DYTN: variants seen among roughly 807,000 people sequenced by gnomAD.
DYTN encodes the protein dystrotelin.
A neutral mutation model predicts 69.6 loss-of-function variants in DYTN; 75 were observed. That is an observed-to-expected ratio of 1.08 (90% CI 0.89 to 1.31). The LOEUF (loss-of-function observed/expected upper bound fraction) is 1.31, where lower values mean the gene tolerates loss of function less well. Ranked by LOEUF, DYTN falls within the 50% of genes most tolerant of loss-of-function variation. The pLI, the probability that DYTN is intolerant of heterozygous loss-of-function variation, is 0.00. For synonymous variants in DYTN, 252 were observed against 249.1 expected (o/e 1.01, Z -0.11); for missense variants, 726 against 688.4 (o/e 1.05, Z -0.61).
intron 9 of DYTN, among the ~76,000 whole-genome samples, chr2:206,675,145 G>GTGTGTGTGTGTGTGTGTGTGTGTATA (rs1415225495): frequency 4.2e-5 from 5 of 120,442 alleles, no homozygotes; most frequent in Non-Finnish European, 8.7e-5. Context: ...GTGTGTGTGT[G>GTGTGTGTGTGTGTGTGTGTGTGTATA]TATATATGTG....
At chr2:206,694,691 G>A in intron 8 of DYTN, 75 bp downstream of exon 8, 1 of 1,214,560 alleles carries the variant, frequency 8.2e-7, no homozygotes, top group Non-Finnish European at 1.1e-6. Flanking sequence ...TTTCACTGGA[G>A]GGAAGGTTTT....
In DYTN at chr2:206,666,860, T is replaced by TACACACACAC. The variant is rs35200393; in HGVS notation, c.981-841_981-832dup. Among the ~76,000 whole-genome samples, 149 of 137,554 alleles carry TACACACACAC rather than the reference T, an allele frequency of 1.1e-3. 2 individuals carry two copies. The highest frequency in any genetic ancestry group is 3.8e-3 in the African/African-American group (141 of 37,432). 90.2% of individuals were successfully genotyped at this position (137,554 alleles called of 152,430 possible). A position where few individuals can be genotyped will look rare whatever the true frequency, so the allele number is the denominator to read the frequency against. On this transcript the variant is annotated intron_variant, in intron 9 of 11. Transcript: ENST00000452335. The stretch of plus-strand genomic sequence containing the variant: ...AGGCAACATGGCAAGACCTCATCTC[T>TACACACACAC]ACACACACACACACACACACACACA...
chr2:206,709,734 C>T (rs1700062478), intron 2 of DYTN, among the ~76,000 whole-genome samples: 1 of 152,106 alleles, frequency 6.6e-6, no homozygotes, highest in African/African-American at 2.4e-5. Flanking sequence ...AACATAACTT[C>T]TCTTAGGTCT....
chr2:206,705,003 A>G, intron 4 of DYTN, 60 bp from the exon 5 acceptor site: 1 of 1,360,922 alleles, frequency 7.3e-7, no homozygotes, highest in Non-Finnish European at 1.0e-6. Flanking sequence ...TTTGAAGAGT[A>G]CTTGCTTTGA....
At chr2:206,713,991 A>G (rs1700103591) in intron 1 of DYTN, among the ~76,000 whole-genome samples, 1 of 152,214 alleles carries the variant, frequency 6.6e-6, no homozygotes, top group Non-Finnish European at 1.5e-5. Context: ...CTGAGCAAAA[A>G]TGAAACAAGG....
chr2:206,707,290 C>T lies in DYTN; in HGVS notation c.296+12G>A. On this transcript the variant is annotated intron_variant, in intron 3 of 11. Transcript: ENST00000452335. ...TGCCTTTGAGGTCACAGCGCGACGT[C>T]CACACCCTCACCTGTTGTACATTGT... 6.2e-7 allele frequency: 1 copy of T among 1,609,544 alleles called. No individual in the cohort carries two copies. The highest frequency in any genetic ancestry group is 2.2e-5 in the East Asian group (1 of 44,776).
At chr2:206,692,320 A>G (rs562796199) in intron 9 of DYTN, among the ~76,000 whole-genome samples, 4 of 152,234 alleles carry the variant, frequency 2.6e-5, no homozygotes, top group African/African-American at 9.6e-5. Flanking sequence ...TTTAAATTAC[A>G]AAGAAGTGGC....
chr2:206,657,053 C>T (rs1465476738), intron 11 of DYTN, among the ~76,000 whole-genome samples: 1 of 152,060 alleles, frequency 6.6e-6, no homozygotes, highest in Non-Finnish European at 1.5e-5. Context: ...TGAGCCATCT[C>T]GCCCAGCCAT....
At chr2:206,707,129 G>A (rs969722565) in intron 3 of DYTN, among the ~76,000 whole-genome samples, 173 bp downstream of exon 3, 14 of 152,182 alleles carry the variant, frequency 9.2e-5, no homozygotes, top group Admixed American at 3.9e-4. Flanking sequence ...TCCTAAAGCC[G>A]ATGGGCATTT....
At chr2:206,676,356 C>T (rs959240420) in intron 9 of DYTN, among the ~76,000 whole-genome samples, 16 of 152,074 alleles carry the variant, frequency 1.1e-4, no homozygotes, top group Admixed American at 6.5e-5. Context: ...CATGTTCTCA[C>T]TCATAAGTGG....
At chr2:206,685,352 G>T (rs964406693) in intron 9 of DYTN, among the ~76,000 whole-genome samples, 1 of 151,562 alleles carries the variant, frequency 6.6e-6, no homozygotes, top group Non-Finnish European at 1.5e-5. Flanking sequence ...CTGTAGAGAC[G>T]GAATCTCTCT....
Position 206,710,528 on chromosome 2 carries a change from G to A in DYTN, c.90C>T (p.Cys30=). 1 of 1,610,612 alleles carries A rather than the reference G, an allele frequency of 6.2e-7. No individual in the cohort carries two copies. The highest frequency in any genetic ancestry group is 8.5e-7 in the Non-Finnish European group (1 of 1,178,388). The part of the protein sequence containing the change: ...AFKLQSVQTL[C]QLDLIDSSLI... ...TTCAGGAGAGCCTATACTTACACTGGCACAGAGTTTGCACTGATTGTAATT... is the reference window on the plus strand; with the variant it reads ...TTCAGGAGAGCCTATACTTACACTGACACAGAGTTTGCACTGATTGTAATT... The change falls in exon 2 of 12, where the codon TGC becomes TGT. Residue 30 remains cysteine (C), a synonymous_variant. Transcript: ENST00000452335.
At chr2:206,713,377 G>A (rs1333467956) in intron 1 of DYTN, among the ~76,000 whole-genome samples, 1 of 152,144 alleles carries the variant, frequency 6.6e-6, no homozygotes, top group East Asian at 1.9e-4. Context: ...CCTTTTTGAG[G>A]TAAGTTTTCT....
chr2:206,663,254 C>A lies in DYTN; in HGVS notation c.1282G>T (p.Glu428Ter), dbSNP rs764029287. 8.1e-6 allele frequency: 13 copies of A among 1,613,074 alleles called. No homozygotes were observed. The South Asian group carries it at 1.4e-4, about 18-fold the overall frequency. ...KNATEDASTG[E>*]PLPKLDEVDR... ...ACCTCATCAAGCTTAGGAAGAGGTT[C>A]CCCTGTTGAAGCATCTTCAGTGGCA... The change falls in exon 11 of 12, where the codon GAA becomes TAA. Residue 428 changes from glutamate (E) to a stop codon, truncating the protein, a stop_gained. Transcript: ENST00000452335. LOFTEE classifies it high-confidence loss of function.
At chr2:206,710,707 G>A in intron 1 of DYTN, 109 bp from the exon 2 acceptor site, 2 of 872,676 alleles carry the variant, frequency 2.3e-6, no homozygotes, top group Non-Finnish European at 3.3e-6. Context: ...TTTTGCAGGT[G>A]AGGAAATTAA....
At position 206,651,864 on chromosome 2, in the gene DYTN, GC is replaced by G; in HGVS notation, c.1690del (p.Ala564ProfsTer14). 6.2e-7 allele frequency: 1 copy of G among 1,613,626 alleles called. No individual in the cohort carries two copies. The highest frequency in any genetic ancestry group is 8.5e-7 in the Non-Finnish European group (1 of 1,179,650). ...AATTTGATCAACAAGGGCAGAGAAGGCCCTGCACACTCGCTGAGCTCCACTG... is the reference window on the plus strand; with the variant it reads ...AATTTGATCAACAAGGGCAGAGAAGGCCTGCACACTCGCTGAGCTCCACTG... ...LYSGAQRVCR[A>X]FSALVDQIAL... is the part of the protein sequence containing the mutation. On this transcript the variant is annotated frameshift_variant, in exon 12 of 12. Transcript: ENST00000452335. LOFTEE classifies it high-confidence loss of function.
At chr2:206,672,922 T>TA (rs1204531109) in intron 9 of DYTN, among the ~76,000 whole-genome samples, 2 of 152,380 alleles carry the variant, frequency 1.3e-5, no homozygotes, top group East Asian at 1.9e-4. Flanking sequence ...TTTTCTTTTT[T>TA]AAAAAAACTT....
intron 9 of DYTN, among the ~76,000 whole-genome samples, chr2:206,675,865 TA>T (rs1699681122): frequency 6.6e-6 from 1 of 152,090 alleles, no homozygotes; most frequent in Non-Finnish European, 1.5e-5. Context: ...AAAAGCAAAT[TA>T]AAACCACAAT....
At chr2:206,704,984 C>T (rs1331535912) in intron 4 of DYTN, 41 bp from the exon 5 acceptor site, 2 of 1,516,004 alleles carry the variant, frequency 1.3e-6, no homozygotes, top group Admixed American at 1.7e-5. Context: ...TGAATACTTG[C>T]AATGTATCTT....
Sources: gnomAD v4.1 joint callset for allele counts (sites outside exome capture counted in the v4.1 genomes callset) on GRCh38, gnomAD v4.1.1 for gene constraint, MANE v1.5 for transcripts, NCBI Gene and HGNC (gene_info 2026-07-23, HGNC 2026-07-21) for gene names.